The following TMOD3 variants were observed in gnomAD, a reference collection of about 807,000 sequenced individuals.
TMOD3 encodes tropomodulin-3.
In TMOD3, 20 loss-of-function variants were observed where a neutral mutation model predicts 39.2. The ratio of observed to expected loss-of-function variants is 0.51; its 90% CI spans 0.36 to 0.74. TMOD3 has a LOEUF of 0.74. Among genes scored for constraint, TMOD3 ranks in the 30% least tolerant of loss-of-function variants. The pLI, the probability that TMOD3 is intolerant of heterozygous loss-of-function variation, is 0.00. For missense variants in TMOD3, 381 were observed against 412.8 expected (o/e 0.92, Z 0.67); for synonymous variants, 143 against 145.8 (o/e 0.98, Z 0.14).
intron 2 of TMOD3, 122 bp downstream of exon 2, chr15:51,863,132 C>A: frequency 1.0e-6 from 1 of 995,352 alleles, no homozygotes; most frequent in Non-Finnish European, 1.4e-6. Context: ...CCACTTTATC[C>A]AAATCAAGTT....
At position 51,909,036 on chromosome 15, in the gene TMOD3, T is replaced by C; in HGVS notation, c.*226T>C. The stretch of plus-strand genomic sequence containing the variant: ...AAAATCAATTTTAATTTAGTTTAAT[T>C]GAATGATTTATGATGAATCTTGGGC... On this transcript the variant is annotated 3_prime_UTR_variant, in exon 10 of 10. Transcript: ENST00000308580. The C allele has an allele frequency of 2.7e-6, 1 of 376,660 alleles. No homozygotes were observed. Among genetic ancestry groups the C allele is most frequent in the Non-Finnish European group, 4.7e-6 (1 of 211,964 alleles). The allele number at this position is 376,660 out of a possible 1,614,324, so 23.3% of individuals were successfully genotyped here.
chr15:51,846,355 C>G (rs1341995199), intron 1 of TMOD3, among the ~76,000 whole-genome samples: 2 of 151,594 alleles, frequency 1.3e-5, no homozygotes, highest in East Asian at 1.9e-4. Flanking sequence ...AAAAACAAAT[C>G]TAGTTTGAAG....
chr15:51,872,115 C>T (rs1015166621), intron 3 of TMOD3, among the ~76,000 whole-genome samples: 2 of 152,114 alleles, frequency 1.3e-5, no homozygotes, highest in Admixed American at 6.5e-5. Flanking sequence ...CATCAGCAGC[C>T]GGACGCGGTA....
intron 3 of TMOD3, among the ~76,000 whole-genome samples, chr15:51,882,569 C>G (rs1348062052): frequency 6.6e-6 from 1 of 152,162 alleles, no homozygotes; most frequent in Non-Finnish European, 1.5e-5. Flanking sequence ...TTTGTTGAAA[C>G]ACTGTTCTTT....
At chr15:51,866,841 C>T (rs562387233) in intron 2 of TMOD3, among the ~76,000 whole-genome samples, 6 of 152,278 alleles carry the variant, frequency 3.9e-5, no homozygotes, top group South Asian at 2.1e-4. Context: ...GCCCTCATGA[C>T]GCAGGCTGGT....
intron 3 of TMOD3, among the ~76,000 whole-genome samples, chr15:51,886,194 G>A (rs2056561862): frequency 6.6e-6 from 1 of 151,850 alleles, no homozygotes; most frequent in South Asian, 2.1e-4. Flanking sequence ...TGGGCAGCCA[G>A]GCTGAGGGGC....
chr15:51,858,629 C>T (rs2056400282), intron 1 of TMOD3, among the ~76,000 whole-genome samples: 1 of 152,128 alleles, frequency 6.6e-6, no homozygotes, highest in South Asian at 2.1e-4. Context: ...AATTCTATTT[C>T]CTCTATATTT....
chr15:51,892,752 A>G (rs1331822396), intron 5 of TMOD3, among the ~76,000 whole-genome samples: 1 of 152,200 alleles, frequency 6.6e-6, no homozygotes, highest in Non-Finnish European at 1.5e-5. Context: ...CCTTTATGCC[A>G]ATTATCAGTC....
At chr15:51,830,295 A>G (rs1462964174) in intron 1 of TMOD3, among the ~76,000 whole-genome samples, 1 of 152,060 alleles carries the variant, frequency 6.6e-6, no homozygotes, top group Non-Finnish European at 1.5e-5. Context: ...CCTTTTTGTG[A>G]TTGAAATGTG....
At chr15:51,905,872 A>C (rs922017305) in intron 9 of TMOD3, among the ~76,000 whole-genome samples, 1 of 141,402 alleles carries the variant, frequency 7.1e-6, no homozygotes, top group Non-Finnish European at 1.5e-5. Context: ...TGAACCCGGG[A>C]AGCGGAGCTT....
Position 51,862,940 on chromosome 15 carries a change from A to G in TMOD3, c.56A>G (p.Glu19Gly). The change falls in exon 2 of 10, where the codon GAG (glutamate) becomes GGG (glycine). Residue 19 changes from glutamate (E) to glycine (G), a missense_variant. Physicochemically the swap from Glu to Gly is moderately conservative, Grantham distance 98. Coordinates refer to ENST00000308580, the MANE Select transcript of TMOD3 (RefSeq NM_014547.5). ...AAGTACAAAGACCTTGATGAAGATG[A>G]GCTCCTTGGGAATCTGTCAGAAACA... ...LEKYKDLDED[E>G]LLGNLSETEL... is the part of the protein sequence containing the mutation. The G allele has an allele frequency of 6.2e-7, 1 of 1,614,078 alleles. No homozygotes were observed. Among genetic ancestry groups the G allele is most frequent in the African/African-American group, 1.3e-5 (1 of 75,050 alleles).
Position 51,836,152 on chromosome 15 carries a change from G to A in TMOD3, c.-75+6316G>A, listed in dbSNP as rs116729283. Among the ~76,000 whole-genome samples the A allele has an allele frequency of 4.5e-4, 68 of 151,968 alleles. 1 individual carries two copies. Among genetic ancestry groups the A allele is most frequent in the African/African-American group, 1.6e-3 (65 of 41,408 alleles). Reference sequence around the variant, plus strand: ...TAACAGCTTTAGTGAGATATAATTCGCACACCATACAATTCACCCATTTAA... The same window carrying A: ...TAACAGCTTTAGTGAGATATAATTCACACACCATACAATTCACCCATTTAA... On this transcript the variant is annotated intron_variant, in intron 1 of 9. Transcript: ENST00000308580.
chr15:51,849,305 T>G (rs1424373318), intron 1 of TMOD3, among the ~76,000 whole-genome samples: 2 of 152,336 alleles, frequency 1.3e-5, no homozygotes, highest in East Asian at 3.9e-4. Context: ...GTCTGTTTTG[T>G]ATGTTTACAT....
intron 2 of TMOD3, among the ~76,000 whole-genome samples, chr15:51,864,645 G>A (rs1038393992): frequency 6.6e-6 from 1 of 152,122 alleles, no homozygotes; most frequent in African/African-American, 2.4e-5. Flanking sequence ...CCTTTATTGT[G>A]GTTCAATGGG....
intron 3 of TMOD3, among the ~76,000 whole-genome samples, chr15:51,885,459 C>T (rs1431769218): frequency 1.3e-5 from 2 of 152,082 alleles, no homozygotes; most frequent in Non-Finnish European, 2.9e-5. Flanking sequence ...GTTTGTGTCC[C>T]TGGGTACTTG....
chr15:51,832,212 TA>T, intron 1 of TMOD3, among the ~76,000 whole-genome samples: 1 of 120,320 alleles, frequency 8.3e-6, no homozygotes, highest in South Asian at 2.4e-4. Flanking sequence ...ATTATATATA[TA>T]TATATATATA....
intron 5 of TMOD3, among the ~76,000 whole-genome samples, chr15:51,890,091 T>C (rs1290766121): frequency 6.6e-6 from 1 of 152,072 alleles, no homozygotes; most frequent in African/African-American, 2.4e-5. Flanking sequence ...ATACATAGTC[T>C]CTTATTTTTT....
At position 51,909,700 on chromosome 15, in the gene TMOD3, T is replaced by C. The variant is rs1566870634; in HGVS notation, c.*890T>C. 6.6e-6 allele frequency: 1 copy of C among 152,196 alleles called. No homozygotes were observed. The highest frequency in any genetic ancestry group is 1.5e-5 in the Non-Finnish European group (1 of 68,032). 9.4% of individuals were successfully genotyped at this position (152,196 alleles called of 1,614,324 possible). A position where few individuals can be genotyped will look rare whatever the true frequency, so the allele number is the denominator to read the frequency against. On this transcript the variant is annotated 3_prime_UTR_variant, in exon 10 of 10. Transcript: ENST00000308580. Reference sequence around the variant, plus strand: ...TCAAAGATAATAAATATGATAGATTTCCAGTATGAGGCACTTGCAAAACAG... The same window carrying C: ...TCAAAGATAATAAATATGATAGATTCCCAGTATGAGGCACTTGCAAAACAG...
chr15:51,835,374 C>T (rs1190422443), intron 1 of TMOD3, among the ~76,000 whole-genome samples: 4 of 152,174 alleles, frequency 2.6e-5, no homozygotes, highest in African/African-American at 9.7e-5. Flanking sequence ...GTGATCTTGG[C>T]TCACTGCAGC....
Sources: allele counts gnomAD v4.1 joint callset (sites outside exome capture counted in the v4.1 genomes callset), GRCh38; gene constraint gnomAD v4.1.1; transcripts MANE v1.5; gene names NCBI Gene and HGNC (gene_info 2026-07-23, HGNC 2026-07-21).